Variants in PRKACA observed in about 807,000 individuals in gnomAD.
PRKACA encodes protein kinase cAMP-activated catalytic subunit alpha.
Under a neutral mutation model 45.8 loss-of-function variants are expected in PRKACA, and 9 were observed. That is an observed-to-expected ratio of 0.20 (90% CI 0.12 to 0.34). PRKACA has a LOEUF of 0.34. Among genes scored for constraint, PRKACA ranks in the 10% least tolerant of loss-of-function variants. The probability of loss-of-function intolerance (pLI) is 1.00; values close to 1 mark genes in which losing one functional copy is unlikely to be tolerated. For missense variants in PRKACA, 238 were observed against 458.6 expected (o/e 0.52, Z 4.39); for synonymous variants, 160 against 178.6 (o/e 0.90, Z 0.83).
At chr19:14,110,521 G>A (rs940882311) in intron 1 of PRKACA, among the ~76,000 whole-genome samples, 4 of 151,876 alleles carry the variant, frequency 2.6e-5, no homozygotes, top group Admixed American at 6.6e-5. Flanking sequence ...GCAGTGAGCC[G>A]TGACTGAGCC....
chr19:14,104,298 C>G (rs1977536397), intron 3 of PRKACA, among the ~76,000 whole-genome samples: 1 of 143,332 alleles, frequency 7.0e-6, no homozygotes. Context: ...GATCACACCA[C>G]TGCAGTCCAG....
chr19:14,097,284 G>T lies in PRKACA; in HGVS notation c.765+77C>A. The T allele has an allele frequency of 4.4e-6, 7 of 1,601,240 alleles. No individual in the cohort carries two copies. Among genetic ancestry groups the T allele is most frequent in the Non-Finnish European group, 5.1e-6 (6 of 1,169,924 alleles). ...CTAGATTATTCTGACAACAAGCAGG[G>T]CTCCCCAGGGAATAGGATGGGTGAG... On this transcript the variant is annotated intron_variant, in intron 8 of 9. Coordinates refer to ENST00000308677, the MANE Select transcript of PRKACA (RefSeq NM_002730.4). The surrounding 1 kb of genome is among the most constrained non-coding windows in gnomAD (Gnocchi z 5.4).
intron 1 of PRKACA, chr19:14,114,337 A>C: frequency 1.3e-6 from 1 of 746,598 alleles, no homozygotes; most frequent in Non-Finnish European, 2.2e-6. Context: ...AGGGACAGAT[A>C]GGGCCCTCCG....
chr19:14,100,983 C>G, intron 4 of PRKACA, 75 bp from the exon 5 acceptor site: 2 of 1,316,008 alleles, frequency 1.5e-6, no homozygotes, highest in Middle Eastern at 1.8e-4. Context: ...GGGGCCTCCC[C>G]GGCTGGTGTT....
At chr19:14,105,253 T>G (rs981266453) in intron 3 of PRKACA, among the ~76,000 whole-genome samples, 2 of 152,196 alleles carry the variant, frequency 1.3e-5, no homozygotes, top group African/African-American at 4.8e-5. Flanking sequence ...GGCTCACATC[T>G]GTAATCCCAG....
At chr19:14,096,384 G>GGCTATGTT (rs1383318427) in intron 8 of PRKACA, 2 of 146,184 alleles carry the variant, frequency 1.4e-5, no homozygotes, top group African/African-American at 5.1e-5. Context: ...GATGGGGTCT[G>GGCTATGTT]GCTATGTTGC....
chr19:14,102,645 C>T (rs896255427), intron 4 of PRKACA, among the ~76,000 whole-genome samples, 171 bp downstream of exon 4: 9 of 152,182 alleles, frequency 5.9e-5, no homozygotes, highest in Admixed American at 5.2e-4. Context: ...GAACTTGGGT[C>T]TACCAGAGTC....
intron 5 of PRKACA, 116 bp downstream of exon 5, chr19:14,100,710 A>C (rs1394486113): frequency 2.1e-5 from 21 of 982,092 alleles, no homozygotes; most frequent in Non-Finnish European, 4.8e-6. Context: ...AGGGTCTGGG[A>C]GACCACCTGC....
In PRKACA at chr19:14,093,631, C is replaced by T. The variant is rs371711255; in HGVS notation, c.927G>A (p.Arg309=). 2 of 1,612,952 alleles carry T rather than the reference C, an allele frequency of 1.2e-6. No individual in the cohort carries two copies. Among genetic ancestry groups the T allele is most frequent in the African/African-American group, 2.7e-5 (2 of 74,930 alleles). The change falls in exon 9 of 10, where the codon AGG becomes AGA. Residue 309 remains arginine, a synonymous_variant. Coordinates refer to ENST00000308677, the MANE Select transcript of PRKACA (RefSeq NM_002730.4). ...ATTDWIAIYQ[R]KVEAPFIPKF... is the part of the protein sequence containing the mutation. ...GGCTTAAGGAGGGGAGGCCCACCTT[C>T]CTCTGGTAGATGGCAATCCAGTCAG...
chr19:14,097,541 C>T lies in PRKACA; in HGVS notation c.642+38G>A, dbSNP rs199625979. ...GGAGGCGAGAGCAGGAGAGCAGAGC[C>T]GGCCTCAGGGGAAGGGGAGGGCTGG... On this transcript the variant is annotated intron_variant, in intron 7 of 9. Coordinates refer to ENST00000308677, the MANE Select transcript of PRKACA (RefSeq NM_002730.4). The surrounding 1 kb of genome is among the most constrained non-coding windows in gnomAD (Gnocchi z 5.4). 1.8e-4 allele frequency: 296 copies of T among 1,613,030 alleles called. 1 individual carries two copies. Among genetic ancestry groups the T allele is most frequent in the Non-Finnish European group, 2.3e-4 (269 of 1,179,426 alleles).
chr19:14,101,479 T>C (rs1229930678), intron 4 of PRKACA, among the ~76,000 whole-genome samples: 12 of 152,036 alleles, frequency 7.9e-5, no homozygotes, highest in Admixed American at 6.6e-4. Context: ...GGTGGGAGGA[T>C]TGCTTGAGCC....
intron 1 of PRKACA, chr19:14,114,183 C>CACT: frequency 6.2e-7 from 1 of 1,608,436 alleles, no homozygotes. Context: ...AGGGCACCGG[C>CACT]ACTACGGTGG....
intron 8 of PRKACA, among the ~76,000 whole-genome samples, chr19:14,096,032 GTTTT>G (rs60082323): frequency 2.2e-5 from 2 of 92,586 alleles, no homozygotes; most frequent in East Asian, 3.1e-4. Flanking sequence ...CTAATTTTTA[GTTTT>G]TTTTTTTTTT....
At chr19:14,098,091 T>C (rs996531114) in intron 5 of PRKACA, 3 of 591,872 alleles carry the variant, frequency 5.1e-6, no homozygotes, top group South Asian at 2.2e-5. Flanking sequence ...GACTGAGCTA[T>C]AGTCATACAA....
chr19:14,102,308 C>G (rs1038167743), intron 4 of PRKACA, among the ~76,000 whole-genome samples: 12 of 152,232 alleles, frequency 7.9e-5, no homozygotes, highest in South Asian at 4.2e-4. Context: ...TCCTGTTTCT[C>G]ATGACCACAG....
chr19:14,102,753 C>A, intron 4 of PRKACA, 63 bp downstream of exon 4: 1 of 1,419,068 alleles, frequency 7.0e-7, no homozygotes, highest in South Asian at 1.2e-5. Context: ...GACCCCAGCC[C>A]TGGGGGCCAG....
Position 14,097,970 on chromosome 19 carries a change from C to G in PRKACA, c.420-80G>C, listed in dbSNP as rs34415768. 1 of 1,562,096 alleles carries G rather than the reference C, an allele frequency of 6.4e-7. No individual in the cohort carries two copies. Among genetic ancestry groups the G allele is most frequent in the Non-Finnish European group, 8.7e-7 (1 of 1,144,682 alleles). On this transcript the variant is annotated intron_variant, in intron 5 of 9. Transcript: ENST00000308677. This position sits in a 1 kb window ranked among gnomAD's most constrained non-coding sequence, Gnocchi z 5.4. The stretch of plus-strand genomic sequence containing the variant: ...AGCAGGTGGCCCTGCAGAGCCTACC[C>G]CAGAGGAAGACACCTCCAGTCCAGC...
At chr19:14,105,364 T>G (rs575772923) in intron 3 of PRKACA, among the ~76,000 whole-genome samples, 101 of 152,046 alleles carry the variant, frequency 6.6e-4, no homozygotes, top group African/African-American at 2.3e-3. Flanking sequence ...ATACAAAAGT[T>G]AGCTGGGCGT....
intron 3 of PRKACA, among the ~76,000 whole-genome samples, chr19:14,105,363 TTAGC>T (rs1380675038): frequency 6.6e-6 from 1 of 151,916 alleles, no homozygotes; most frequent in Non-Finnish European, 1.5e-5. Context: ...AATACAAAAG[TTAGC>T]TGGGCGTGGT....
Sources: allele counts gnomAD v4.1 joint callset (sites outside exome capture counted in the v4.1 genomes callset), GRCh38; gene constraint gnomAD v4.1.1; non-coding constraint Gnocchi (gnomAD v3.1); transcripts MANE v1.5; gene names NCBI Gene and HGNC (gene_info 2026-07-23, HGNC 2026-07-21).